WNT2: variants seen among roughly 807,000 people sequenced by gnomAD.
The protein encoded by WNT2 is protein Wnt-2.
In WNT2, 12 loss-of-function variants were observed where a neutral mutation model predicts 36.9. The ratio of observed to expected loss-of-function variants is 0.33; its 90% CI spans 0.21 to 0.53. The LOEUF (loss-of-function observed/expected upper bound fraction) is 0.53. Ranked by LOEUF, WNT2 falls within the 20% of genes least tolerant of loss-of-function variation. WNT2 has a pLI of 0.95. For synonymous variants in WNT2, 163 were observed against 174.6 expected, an observed-to-expected ratio of 0.93 and a Z score of 0.52; for missense variants, 379 against 473.1, an observed-to-expected ratio of 0.80 and a Z score of 1.84.
At chr7:117,303,691 T>TC (rs1794957556) in intron 3 of WNT2, among the ~76,000 whole-genome samples, 1 of 152,182 alleles carries the variant, frequency 6.6e-6, no homozygotes. Context: ...ATTCTAAAAT[T>TC]TAAAAACAAT....
Position 117,287,412 on chromosome 7 carries a change from G to A in WNT2, c.854-9028C>T, listed in dbSNP as rs1393188134. Among the ~76,000 whole-genome samples the A allele has an allele frequency of 2.0e-5, 3 of 152,148 alleles. No individual in the cohort carries two copies. In the East Asian group the frequency reaches 5.8e-4, roughly 29 times the overall value. ...GCCTTTCCTGTAACTCCTTCCATCA[G>A]AAGTCTTCCCATCCTTCCAGATTCA... On this transcript the variant is annotated intron_variant, in intron 4 of 4. Coordinates refer to ENST00000265441, the MANE Select transcript of WNT2 (RefSeq NM_003391.3).
At chr7:117,286,660 T>C (rs1355188526) in intron 4 of WNT2, among the ~76,000 whole-genome samples, 1 of 152,190 alleles carries the variant, frequency 6.6e-6, no homozygotes, top group Non-Finnish European at 1.5e-5. Flanking sequence ...CACAGATTTA[T>C]TGAGGGAACT....
In WNT2 at chr7:117,323,044, G is replaced by T; in HGVS notation, c.-55C>A. ...GACTCCGTGTGCGGGCGCCATGCGT[G>T]CCCAGAGCAGAAGCGCTCAGCTCCG... On this transcript the variant is annotated 5_prime_UTR_variant, in exon 1 of 5. Coordinates refer to ENST00000265441, the MANE Select transcript of WNT2 (RefSeq NM_003391.3). 2.0e-6 allele frequency: 3 copies of T among 1,509,148 alleles called. No individual in the cohort carries two copies. Among genetic ancestry groups the T allele is most frequent in the Non-Finnish European group, 9.0e-7 (1 of 1,115,412 alleles). 93.5% of individuals were successfully genotyped at this position (1,509,148 alleles called of 1,614,324 possible). A position where few individuals can be genotyped will look rare whatever the true frequency, so the allele number is the denominator to read the frequency against.
intron 4 of WNT2, among the ~76,000 whole-genome samples, chr7:117,296,859 T>C (rs1794800305): frequency 6.6e-6 from 1 of 152,206 alleles, no homozygotes; most frequent in African/African-American, 2.4e-5. Context: ...TGCCCACCTA[T>C]AGCCAAGAGA....
At chr7:117,301,344 G>C (rs1322153659) in intron 3 of WNT2, among the ~76,000 whole-genome samples, 2 of 152,102 alleles carry the variant, frequency 1.3e-5, no homozygotes, top group African/African-American at 2.4e-5. Flanking sequence ...TACTCAATCA[G>C]AGAGGCAGAG....
chr7:117,294,828 C>T (rs1015317291), intron 4 of WNT2, among the ~76,000 whole-genome samples: 14 of 152,308 alleles, frequency 9.2e-5, no homozygotes, highest in Non-Finnish European at 1.3e-4. Flanking sequence ...CAGTGGCTCA[C>T]GCCTGTAATC....
At position 117,297,777 on chromosome 7, in the gene WNT2, T is replaced by G. The variant is rs754118619; in HGVS notation, c.688A>C (p.Thr230Pro). The G allele has an allele frequency of 6.2e-6, 10 of 1,614,032 alleles. 1 individual carries two copies. In the South Asian group the frequency reaches 1.1e-4, roughly 18 times the overall value. Residue 230 changes from threonine (T) to proline (P), a missense_variant, in exon 4 of 5, where the codon ACG becomes CCG. Thr to Pro is a conservative substitution (Grantham distance 38). Coordinates refer to ENST00000265441, the MANE Select transcript of WNT2 (RefSeq NM_003391.3). Reference sequence around the variant, plus strand: ...TACTTCCTCCAGAGATAATCGCCCGTTTTCCTGAAGTCGGCCATGGCCAGC... The same window carrying G: ...TACTTCCTCCAGAGATAATCGCCCGGTTTCCTGAAGTCGGCCATGGCCAGC... ...CWLAMADFRK[T>P]GDYLWRKYNG...
At chr7:117,312,742 T>C (rs1275745810) in intron 3 of WNT2, among the ~76,000 whole-genome samples, 1 of 152,178 alleles carries the variant, frequency 6.6e-6, no homozygotes, top group Non-Finnish European at 1.5e-5. Flanking sequence ...TTAAATGATA[T>C]AGCACAGAGG....
At chr7:117,311,108 G>A (rs938612406) in intron 3 of WNT2, among the ~76,000 whole-genome samples, 2 of 152,180 alleles carry the variant, frequency 1.3e-5, no homozygotes, top group Non-Finnish European at 2.9e-5. Flanking sequence ...AGTGCTGTTT[G>A]TTGAAATTCT....
chr7:117,292,667 T>G (rs896436654), intron 4 of WNT2, among the ~76,000 whole-genome samples: 1 of 152,222 alleles, frequency 6.6e-6, no homozygotes, highest in Non-Finnish European at 1.5e-5. Context: ...TGGTAACTGC[T>G]GTCAGTAAAA....
chr7:117,311,022 C>T (rs1486241811), intron 3 of WNT2, among the ~76,000 whole-genome samples: 1 of 152,108 alleles, frequency 6.6e-6, no homozygotes, highest in African/African-American at 2.4e-5. Flanking sequence ...ATGCCTTTCC[C>T]AAAGTAATTC....
At chr7:117,301,346 G>A (rs946618445) in intron 3 of WNT2, among the ~76,000 whole-genome samples, 5 of 152,108 alleles carry the variant, frequency 3.3e-5, no homozygotes, top group African/African-American at 1.2e-4. Context: ...CTCAATCAGA[G>A]AGGCAGAGAG....
rs138318436 is a variant in WNT2, at chr7:117,297,838, G to A, written c.627C>T (p.His209=). Residue 209 remains histidine, a synonymous_variant, in exon 4 of 5, where the codon CAC becomes CAT. Coordinates refer to ENST00000265441, the MANE Select transcript of WNT2 (RefSeq NM_003391.3). The part of the protein sequence containing the change: ...KRFLKQECKC[H]GVSGSCTLRT... Reference sequence around the variant, plus strand: ...TGAGAGTACATGAGCCGCTCACCCCGTGGCACTTGCACTCTTGTTTCAAGA... The same window carrying A: ...TGAGAGTACATGAGCCGCTCACCCCATGGCACTTGCACTCTTGTTTCAAGA... 1.0e-4 allele frequency: 165 copies of A among 1,613,918 alleles called. No individual in the cohort carries two copies. In the African/African-American group the frequency reaches 1.4e-3, roughly 14 times the overall value.
chr7:117,283,786 G>T (rs1794536240), intron 4 of WNT2, among the ~76,000 whole-genome samples: 1 of 152,184 alleles, frequency 6.6e-6, no homozygotes, highest in Non-Finnish European at 1.5e-5. Context: ...GTAGTTCAAT[G>T]TTCAGTTATA....
chr7:117,302,296 A>AT (rs1210845156), intron 3 of WNT2, among the ~76,000 whole-genome samples: 7 of 152,252 alleles, frequency 4.6e-5, no homozygotes, highest in Non-Finnish European at 8.8e-5. Flanking sequence ...GTTCGACTTC[A>AT]TTAGTAACTG....
At chr7:117,280,305 G>T (rs899688964) in intron 4 of WNT2, among the ~76,000 whole-genome samples, 13 of 152,122 alleles carry the variant, frequency 8.5e-5, no homozygotes, top group Non-Finnish European at 1.8e-4. Flanking sequence ...ATGCAGAAAG[G>T]ACTCACTGCC....
At chr7:117,314,950 A>G (rs1584695623) in intron 3 of WNT2, 121 bp downstream of exon 3, 10 of 1,399,084 alleles carry the variant, frequency 7.1e-6, no homozygotes, top group Admixed American at 2.2e-5. Flanking sequence ...TGGCTGGGGG[A>G]CAGTAGGAAG....
At chr7:117,293,079 G>A (rs1042379434) in intron 4 of WNT2, among the ~76,000 whole-genome samples, 1 of 152,012 alleles carries the variant, frequency 6.6e-6, no homozygotes, top group African/African-American at 2.4e-5. Flanking sequence ...CCACGATGGT[G>A]CTACTGCAGT....
Position 117,284,635 on chromosome 7 carries a change from T to C in WNT2, c.854-6251A>G, listed in dbSNP as rs531446891. On this transcript the variant is annotated intron_variant, in intron 4 of 4. Transcript: ENST00000265441. This position sits in a 1 kb window ranked among gnomAD's most constrained non-coding sequence, Gnocchi z 5.2. ...TCATTCATCCTTTCTCACTTTTTTT[T>C]CCCATTCCTTCTTCTTCTTTCTTCC... Among the ~76,000 whole-genome samples the C allele has an allele frequency of 1.2e-3, 179 of 152,318 alleles. No individual in the cohort carries two copies. The highest frequency in any genetic ancestry group is 4.0e-3 in the African/African-American group (167 of 41,570).
Sources: allele counts gnomAD v4.1 joint callset (sites outside exome capture counted in the v4.1 genomes callset), GRCh38; gene constraint gnomAD v4.1.1; non-coding constraint Gnocchi (gnomAD v3.1); transcripts MANE v1.5; gene names NCBI Gene and HGNC (gene_info 2026-07-23, HGNC 2026-07-21).